Variants in CFAP43 observed in about 807,000 individuals in gnomAD.
The protein encoded by CFAP43 is cilia and flagella associated protein 43, also known as cilia- and flagella-associated protein 43.
A neutral mutation model predicts 218.9 loss-of-function variants in CFAP43; 155 were observed. The ratio of observed to expected loss-of-function variants is 0.71; its 90% CI spans 0.62 to 0.81. CFAP43 has a LOEUF of 0.81. Ranked by LOEUF, CFAP43 falls within the 30% of genes least tolerant of loss-of-function variation. The pLI, the probability that CFAP43 is intolerant of heterozygous loss-of-function variation, is 0.00. For synonymous variants in CFAP43, 645 were observed against 681.3 expected, an observed-to-expected ratio of 0.95 and a Z score of 0.83; for missense variants, 1,778 against 1,954.3, an observed-to-expected ratio of 0.91 and a Z score of 1.70.
At chr10:104,220,485 G>T (rs535272715) in intron 3 of CFAP43, among the ~76,000 whole-genome samples, 1 of 151,926 alleles carries the variant, frequency 6.6e-6, no homozygotes, top group South Asian at 2.1e-4. Flanking sequence ...TTAGATCAAT[G>T]AAAGCTATAA....
At chr10:104,181,796 A>G (rs775062358) in intron 17 of CFAP43, among the ~76,000 whole-genome samples, 1 of 152,188 alleles carries the variant, frequency 6.6e-6, no homozygotes, top group Non-Finnish European at 1.5e-5. Flanking sequence ...ATCCAGCCCA[A>G]TACTATCACA....
chr10:104,163,309 A>G (rs1374139821), intron 24 of CFAP43, among the ~76,000 whole-genome samples: 1 of 152,208 alleles, frequency 6.6e-6, no homozygotes, highest in East Asian at 1.9e-4. Context: ...CAATCCATCT[A>G]GGGCACCACG....
At chr10:104,145,071 C>T (rs2087895779) in intron 31 of CFAP43, among the ~76,000 whole-genome samples, 1 of 152,216 alleles carries the variant, frequency 6.6e-6, no homozygotes. Flanking sequence ...TTTCCCCAAA[C>T]TTAGTTAGTC....
chr10:104,157,149 A>G (rs906602935), intron 27 of CFAP43, among the ~76,000 whole-genome samples: 2 of 152,232 alleles, frequency 1.3e-5, no homozygotes, highest in East Asian at 1.9e-4. Flanking sequence ...CCCTCCTGGA[A>G]TCACCTTTCT....
At position 104,186,132 on chromosome 10, in the gene CFAP43, CA is replaced by C; in HGVS notation, c.1861-10del. 6.8e-7 allele frequency: 1 copy of C among 1,467,260 alleles called. No homozygotes were observed. The highest frequency in any genetic ancestry group is 1.5e-5 in the South Asian group (1 of 65,300). 90.9% of individuals were successfully genotyped at this position (1,467,260 alleles called of 1,614,324 possible). ...TAGATACCGGTATGTTCCTGCCAATCAAAGAAAATAACCACATTATAGAAAA... is the reference window on the plus strand; with the variant it reads ...TAGATACCGGTATGTTCCTGCCAATCAAGAAAATAACCACATTATAGAAAA... On this transcript the variant is annotated splice_polypyrimidine_tract_variant and intron_variant, in intron 14 of 37. Coordinates refer to ENST00000357060, the MANE Select transcript of CFAP43 (RefSeq NM_025145.7).
At chr10:104,181,892 C>A (rs2089857362) in intron 17 of CFAP43, among the ~76,000 whole-genome samples, 1 of 152,166 alleles carries the variant, frequency 6.6e-6, no homozygotes, top group South Asian at 2.1e-4. Context: ...TCTCCCTGCC[C>A]ATCTCCAACC....
intron 35 of CFAP43, 128 bp downstream of exon 35, chr10:104,133,492 A>G: frequency 4.0e-6 from 4 of 990,708 alleles, no homozygotes; most frequent in Non-Finnish European, 5.7e-6. Flanking sequence ...ACTCACAGAT[A>G]TATTTTGAAA....
chr10:104,189,585 T>C (rs2090139804), intron 12 of CFAP43, among the ~76,000 whole-genome samples: 1 of 152,306 alleles, frequency 6.6e-6, no homozygotes, highest in African/African-American at 2.4e-5. Flanking sequence ...AGTTCTCTTA[T>C]TACTCTGGCC....
chr10:104,225,410 A>C, intron 3 of CFAP43, 51 bp downstream of exon 3: 1 of 1,373,780 alleles, frequency 7.3e-7, no homozygotes, highest in South Asian at 1.3e-5. Flanking sequence ...CAGAAGAGTA[A>C]GAGGAAAATG....
In CFAP43 at chr10:104,213,257, G is replaced by A. The variant is rs148136643; in HGVS notation, c.584+1002C>T. Among the ~76,000 whole-genome samples, 8 of 152,268 alleles carry A rather than the reference G, an allele frequency of 5.3e-5. No homozygotes were observed. The East Asian group carries it at 1.4e-3, about 26-fold the overall frequency. ...TACTAGCTTTAGATTCTCTTAAGGC[G>A]ATTTATCAAAATTGCAATTTCAAGG... On this transcript the variant is annotated intron_variant, in intron 4 of 37. Transcript: ENST00000357060.
Position 104,130,110 on chromosome 10 carries a change from T to G in CFAP43, c.*29A>C. On this transcript the variant is annotated 3_prime_UTR_variant, in exon 38 of 38. Coordinates refer to ENST00000357060, the MANE Select transcript of CFAP43 (RefSeq NM_025145.7). ...ATGAAATGATTTTTTAAATGATTGA[T>G]TTGGCCTTGTGTTTTCCTGCCAGCG... 6.4e-7 allele frequency: 1 copy of G among 1,552,802 alleles called. No individual in the cohort carries two copies. The highest frequency in any genetic ancestry group is 8.7e-7 in the Non-Finnish European group (1 of 1,156,046).
Position 104,162,002 on chromosome 10 carries a change from C to G in CFAP43, c.3373G>C (p.Gly1125Arg). The G allele has an allele frequency of 6.2e-7, 1 of 1,613,820 alleles. No individual in the cohort carries two copies. The highest frequency in any genetic ancestry group is 8.5e-7 in the Non-Finnish European group (1 of 1,179,918). The change falls in exon 26 of 38, where the codon GGA (glycine) becomes CGA (arginine). Residue 1125 changes from glycine (G) to arginine (R), a missense_variant. This residue lies in a region of CFAP43 where 1,553 missense variants were observed against 1,685.2 expected (regional missense o/e 0.92). Coordinates refer to ENST00000357060, the MANE Select transcript of CFAP43 (RefSeq NM_025145.7). The stretch of plus-strand genomic sequence containing the variant: ...TCCTTCTTGACTTCCAGAACTCCTC[C>G]CATCATGTCCATCAGAGCTCGGAGT... ...TRLRALMDMM[G>R]GVLEVKKEDI...
Position 104,188,295 on chromosome 10 carries a change from G to T in CFAP43, c.1662C>A (p.Phe554Leu), listed in dbSNP as rs1327135696. 2 of 1,613,980 alleles carry T rather than the reference G, an allele frequency of 1.2e-6. No individual in the cohort carries two copies. Among genetic ancestry groups the T allele is most frequent in the Middle Eastern group, 1.6e-4 (1 of 6,080 alleles). The change falls in exon 13 of 38, where the codon TTC (phenylalanine) becomes TTA (leucine). Residue 554 changes from phenylalanine (F) to leucine (L), a missense_variant. Around this residue, in one of 3 missense-constraint regions of CFAP43, gnomAD observed 1,553 missense variants for 1,685.2 expected, o/e 0.92. Transcript: ENST00000357060. ...CTTGTGGCAGTAATGTAGGCAGTGT[G>T]AACATCTCCAACCTGCTTCTCCCTG... The part of the protein sequence containing the change: ...PEAGRSRLEM[F>L]TLPTLLPQVS...
chr10:104,175,000 A>T (rs190519117), intron 19 of CFAP43, among the ~76,000 whole-genome samples: 1,755 of 152,188 alleles, frequency 0.012, 27 homozygotes, highest in African/African-American at 0.036. Context: ...GCTTGCAGTG[A>T]GCCGAGATCA....
intron 17 of CFAP43, 115 bp downstream of exon 17, chr10:104,182,251 C>A: frequency 8.5e-7 from 1 of 1,180,114 alleles, no homozygotes. Context: ...TCATGGGATA[C>A]CTGGATAAAG....
chr10:104,192,063 GTTAT>G (rs2090242782), intron 12 of CFAP43, 132 bp downstream of exon 12: 2 of 646,308 alleles, frequency 3.1e-6, no homozygotes, highest in Admixed American at 3.3e-5. Context: ...AGTAACTTTA[GTTAT>G]TTAAAGGTTT....
chr10:104,218,280 A>G (rs912167133), intron 3 of CFAP43, among the ~76,000 whole-genome samples: 1 of 147,218 alleles, frequency 6.8e-6, no homozygotes, highest in Non-Finnish European at 1.5e-5. Flanking sequence ...CCCGGGAGGC[A>G]GAGGTTGCAG....
intron 10 of CFAP43, 136 bp downstream of exon 10, chr10:104,196,716 CT>C (rs1315142418): frequency 4.7e-6 from 3 of 639,936 alleles, no homozygotes; most frequent in African/African-American, 1.9e-5. Flanking sequence ...ACAAGGATTA[CT>C]GTAAATCTAG....
intron 13 of CFAP43, 31 bp downstream of exon 13, chr10:104,188,239 G>A: frequency 2.5e-6 from 4 of 1,609,570 alleles, no homozygotes; most frequent in Non-Finnish European, 3.4e-6. Context: ...CTGGGCTCAG[G>A]AGCAGAACTG....
Sources: gnomAD v4.1 joint callset for allele counts (sites outside exome capture counted in the v4.1 genomes callset) on GRCh38, gnomAD v4.1.1 for gene constraint, gnomAD v4.1.1 regional missense constraint, MANE v1.5 for transcripts, NCBI Gene and HGNC (gene_info 2026-07-23, HGNC 2026-07-21) for gene names.